Variants in TXLNB observed in about 807,000 individuals in gnomAD.
TXLNB encodes the protein beta-taxilin.
In TXLNB, 37 loss-of-function variants were observed where a neutral mutation model predicts 57.4. The observed-to-expected ratio is 0.64, with a 90% CI of 0.50 to 0.85. The LOEUF is 0.85. Among genes scored for constraint, TXLNB ranks in the 40% least tolerant of loss-of-function variants. The probability of loss-of-function intolerance (pLI) is 0.00; values close to 1 mark genes in which losing one functional copy is unlikely to be tolerated. For synonymous variants in TXLNB, 302 were observed against 309.6 expected (o/e 0.98, Z 0.26); for missense variants, 848 against 825.6 (o/e 1.03, Z -0.33).
the TXLNB span, chr6:139,167,340 C>G: frequency 6.6e-7 from 1 of 1,521,694 alleles, no homozygotes; most frequent in Non-Finnish European, 9.0e-7. Context: ...GGTGTTAATT[C>G]ACCTTGCCTG....
intron 6 of TXLNB, 77 bp downstream of exon 6, chr6:139,260,241 A>G (rs934315573): frequency 2.4e-5 from 36 of 1,477,770 alleles, no homozygotes; most frequent in Admixed American, 6.5e-5. Flanking sequence ...TAAATAAATA[A>G]ATACAAAACA....
chr6:139,278,274 T>C (rs1389153237), intron 2 of TXLNB, among the ~76,000 whole-genome samples: 1 of 152,230 alleles, frequency 6.6e-6, no homozygotes, highest in Non-Finnish European at 1.5e-5. Context: ...TGTGGAATTC[T>C]GATGCTAGAG....
At chr6:139,165,581 C>T in the TXLNB span, among the ~76,000 whole-genome samples, 385 of 150,858 alleles carry the variant, frequency 2.6e-3, 1 homozygote, top group African/African-American at 9.2e-3. Flanking sequence ...CCTGTGGCAA[C>T]CACTTTTTTT....
At chr6:139,281,184 C>G (rs1398712399) in intron 2 of TXLNB, among the ~76,000 whole-genome samples, 1 of 152,056 alleles carries the variant, frequency 6.6e-6, no homozygotes, top group East Asian at 1.9e-4. Flanking sequence ...AAGATTTGGT[C>G]ATTTCACAAC....
intron 2 of TXLNB, among the ~76,000 whole-genome samples, chr6:139,286,495 G>T (rs1777178001): frequency 6.6e-6 from 1 of 151,850 alleles, no homozygotes; most frequent in Non-Finnish European, 1.5e-5. Flanking sequence ...GACTATCTGG[G>T]AGAGTGACCG....
At chr6:139,180,261 T>C in the TXLNB span, 2 of 152,380 alleles carry the variant, frequency 1.3e-5, no homozygotes, top group Non-Finnish European at 2.9e-5. Context: ...TTATTAGGTA[T>C]TTGAACTCTA....
chr6:139,216,855 G>T, the TXLNB span, among the ~76,000 whole-genome samples: 7 of 152,082 alleles, frequency 4.6e-5, no homozygotes, highest in Admixed American at 2.6e-4. Flanking sequence ...TGGACTTTGG[G>T]GACTTGCAGG....
chr6:139,306,772 G>A, the TXLNB span, among the ~76,000 whole-genome samples: 4 of 152,192 alleles, frequency 2.6e-5, no homozygotes, highest in Non-Finnish European at 4.4e-5. Context: ...GTAGGCAGCA[G>A]GGGACCCTAC....
chr6:139,247,737 G>A (rs1295567804), intron 8 of TXLNB, 80 bp downstream of exon 8: 2 of 979,710 alleles, frequency 2.0e-6, no homozygotes, highest in South Asian at 3.2e-5. Flanking sequence ...ATATCTTAGT[G>A]AGAGAAAAAG....
the TXLNB span, among the ~76,000 whole-genome samples, chr6:139,313,694 T>C: frequency 7.8e-3 from 1,188 of 152,278 alleles, 20 homozygotes; most frequent in African/African-American, 0.028. Context: ...CTGCTATATT[T>C]TTTTTTAAGT....
intron 4 of TXLNB, among the ~76,000 whole-genome samples, chr6:139,265,120 ATGTT>A (rs1776583175): frequency 6.6e-6 from 1 of 152,200 alleles, no homozygotes; most frequent in Admixed American, 6.6e-5. Context: ...TATTCAGTAA[ATGTT>A]TATTTAATGA....
the TXLNB span, among the ~76,000 whole-genome samples, chr6:139,192,900 T>G: frequency 6.6e-6 from 1 of 151,728 alleles, no homozygotes; most frequent in Non-Finnish European, 1.5e-5. Flanking sequence ...TAGGCGGAGG[T>G]TGCAGTGAGC....
the TXLNB span, among the ~76,000 whole-genome samples, chr6:139,313,810 C>T: frequency 6.6e-6 from 1 of 151,986 alleles, no homozygotes; most frequent in African/African-American, 2.4e-5. Context: ...TTCTAAGCCC[C>T]CCAACCGACT....
At chr6:139,301,674 A>C in the TXLNB span, among the ~76,000 whole-genome samples, 5 of 152,226 alleles carry the variant, frequency 3.3e-5, no homozygotes, top group Non-Finnish European at 7.3e-5. Flanking sequence ...TGCCCCACAC[A>C]GAATGGGGCA....
At chr6:139,276,973 A>G in intron 2 of TXLNB, 52 bp from the exon 3 acceptor site, 2 of 1,405,596 alleles carry the variant, frequency 1.4e-6, no homozygotes, top group Non-Finnish European at 2.0e-6. Context: ...CAGTCAGGTG[A>G]TAAGGGCTGG....
intron 2 of TXLNB, among the ~76,000 whole-genome samples, chr6:139,278,141 C>T (rs574136700): frequency 1.3e-5 from 2 of 152,042 alleles, no homozygotes; most frequent in African/African-American, 2.4e-5. Context: ...CCAGACTAAC[C>T]GGTTAATTTT....
chr6:139,209,538 A>G, the TXLNB span, among the ~76,000 whole-genome samples: 1 of 152,112 alleles, frequency 6.6e-6, no homozygotes, highest in South Asian at 2.1e-4. Flanking sequence ...AATGGAACAG[A>G]ATAGAGAACC....
At chr6:139,257,475 G>A (rs1776374513) in intron 6 of TXLNB, among the ~76,000 whole-genome samples, 1 of 152,174 alleles carries the variant, frequency 6.6e-6, no homozygotes. Context: ...GAAAAGGTTT[G>A]TGCAAAGAGC....
chr6:139,191,905 C>T, the TXLNB span, among the ~76,000 whole-genome samples: 1 of 152,196 alleles, frequency 6.6e-6, no homozygotes, highest in African/African-American at 2.4e-5. Flanking sequence ...GCGAAAGTAA[C>T]TTCCCAAAGC....
Sources: gnomAD v4.1 joint callset for allele counts (sites outside exome capture counted in the v4.1 genomes callset) on GRCh38, gnomAD v4.1.1 for gene constraint, MANE v1.5 for transcripts, NCBI Gene and HGNC (gene_info 2026-07-23, HGNC 2026-07-21) for gene names.